The following ANKRD20A1 variants were observed in gnomAD, a reference collection of about 807,000 sequenced individuals.
ANKRD20A1 encodes the protein ankyrin repeat domain 20 family member A1.
In ANKRD20A1, 2 loss-of-function variants were observed where a neutral mutation model predicts 50.9. The observed-to-expected ratio is 0.04, with a 90% CI of 0.02 to 0.12. The LOEUF is 0.12. Among genes scored for constraint, ANKRD20A1 ranks in the 10% least tolerant of loss-of-function variants. ANKRD20A1 has a pLI of 1.00. For missense variants in ANKRD20A1, 31 were observed against 548.1 expected, an observed-to-expected ratio of 0.06 and a Z score of 9.42; for synonymous variants, 10 against 186.2, an observed-to-expected ratio of 0.05 and a Z score of 7.70.
At chr9:67,880,852 G>A (rs1587601220) in intron 8 of ANKRD20A1, among the ~76,000 whole-genome samples, 1 of 72,524 alleles carries the variant, frequency 1.4e-5, no homozygotes, top group South Asian at 6.6e-4. Flanking sequence ...TTTGCTTAAG[G>A]TTTATTTGGA....
intron 9 of ANKRD20A1, among the ~76,000 whole-genome samples, chr9:67,885,546 G>A (rs1455806688): frequency 1.3e-5 from 2 of 152,310 alleles, no homozygotes; most frequent in Non-Finnish European, 1.5e-5. Context: ...AGTGTTGGGT[G>A]ATTTATGGAG....
At chr9:67,872,156 A>G (rs1332170089) in intron 6 of ANKRD20A1, among the ~76,000 whole-genome samples, 1 of 72,010 alleles carries the variant, frequency 1.4e-5, no homozygotes, top group African/African-American at 3.3e-5. Context: ...CCTTTCTGGT[A>G]CCATAAGTAA....
intron 9 of ANKRD20A1, among the ~76,000 whole-genome samples, chr9:67,885,617 T>C (rs1295092064): frequency 6.6e-6 from 1 of 152,308 alleles, no homozygotes; most frequent in African/African-American, 2.4e-5. Context: ...TTATGGCTTA[T>C]AATGTAGTAT....
chr9:67,865,889 C>CTA (rs1436450839), intron 3 of ANKRD20A1, among the ~76,000 whole-genome samples: 1 of 149,188 alleles, frequency 6.7e-6, no homozygotes, highest in Non-Finnish European at 1.5e-5. Context: ...AATATATAGT[C>CTA]TATAGAGTAT....
chr9:67,881,060 A>C (rs1457955314), intron 8 of ANKRD20A1, among the ~76,000 whole-genome samples: 1 of 146,808 alleles, frequency 6.8e-6, no homozygotes, highest in African/African-American at 2.5e-5. Context: ...TATTGTTTTT[A>C]CGAGAGATTG....
chr9:67,882,622 T>C (rs1280430130), intron 8 of ANKRD20A1, among the ~76,000 whole-genome samples: 2 of 146,538 alleles, frequency 1.4e-5, no homozygotes, highest in African/African-American at 2.5e-5. Context: ...AAATATACTT[T>C]TTCAAGCCAT....
At chr9:67,882,143 G>A (rs1827809327) in intron 8 of ANKRD20A1, among the ~76,000 whole-genome samples, 1 of 146,486 alleles carries the variant, frequency 6.8e-6, no homozygotes, top group South Asian at 2.2e-4. Context: ...CCATAGACCT[G>A]TGTCACCATG....
At chr9:67,885,359 C>T (rs1827862837) in intron 9 of ANKRD20A1, among the ~76,000 whole-genome samples, 1 of 152,292 alleles carries the variant, frequency 6.6e-6, no homozygotes, top group South Asian at 2.1e-4. Flanking sequence ...TGCTGTCATC[C>T]TCACTACTGG....
intron 3 of ANKRD20A1, among the ~76,000 whole-genome samples, chr9:67,865,638 C>A (rs549874758): frequency 0.031 from 4,095 of 130,244 alleles, 1 homozygote; most frequent in Admixed American, 0.042. Flanking sequence ...GGACTTCAGG[C>A]ATATCCTAAA....
intron 8 of ANKRD20A1, among the ~76,000 whole-genome samples, chr9:67,883,002 T>A (rs1309844545): frequency 6.6e-6 from 1 of 151,136 alleles, no homozygotes; most frequent in African/African-American, 2.4e-5. Flanking sequence ...TTCCATGGTG[T>A]ATATGTGCCA....
intron 8 of ANKRD20A1, 134 bp from the exon 9 acceptor site, chr9:67,884,352 C>T: frequency 2.3e-6 from 2 of 872,344 alleles, no homozygotes; most frequent in Non-Finnish European, 3.4e-6. Flanking sequence ...AACAGTGAGC[C>T]ATAATCAGGC....
At chr9:67,889,214 G>GC (rs1827913365) in intron 11 of ANKRD20A1, among the ~76,000 whole-genome samples, 1 of 89,530 alleles carries the variant, frequency 1.1e-5, no homozygotes, top group Non-Finnish European at 2.4e-5. Flanking sequence ...TGATCTGCCT[G>GC]CCTCAGCTTG....
chr9:67,883,142 G>T (rs1224397572), intron 8 of ANKRD20A1, among the ~76,000 whole-genome samples: 1 of 151,632 alleles, frequency 6.6e-6, no homozygotes, highest in Non-Finnish European at 1.5e-5. Context: ...AATCCTTTGG[G>T]TATATACCCA....
chr9:67,864,676 C>A lies in ANKRD20A1; in HGVS notation c.492+1285C>A, dbSNP rs866802698. Among the ~76,000 whole-genome samples the A allele has an allele frequency of 2.7e-3, 94 of 34,702 alleles. 29 individuals are homozygous for A. The highest frequency in any genetic ancestry group is 0.033 in the Middle Eastern group (2 of 60). The allele number at this position is 34,702 out of a possible 152,430, so 22.8% of individuals were successfully genotyped here. A position where few individuals can be genotyped will look rare whatever the true frequency, so the allele number is the denominator to read the frequency against. On this transcript the variant is annotated intron_variant, in intron 3 of 14. Coordinates refer to ENST00000562196, the MANE Select transcript of ANKRD20A1 (RefSeq NM_032250.5). ...TAATAGCCAAAAAAAAAAAAAAAAA[C>A]CCCAAAAAAACAAAAAACCTTCAAG...
rs1369966010 is a variant in ANKRD20A1 at position 67,893,119 on chromosome 9, CTG to C, written c.1082-315_1082-314del. On this transcript the variant is annotated intron_variant, in intron 11 of 14. Transcript: ENST00000562196. ...TAAAGTGTTACATTGTATATTTTGA[CTG>C]TATTTCAAAATTTTATTTTGTTTCT... Among the ~76,000 whole-genome samples the C allele has an allele frequency of 1.1e-4, 9 of 83,310 alleles. 2 individuals are homozygous for C. Among genetic ancestry groups the C allele is most frequent in the African/African-American group, 3.5e-4 (9 of 25,838 alleles). 54.7% of individuals were successfully genotyped at this position (83,310 alleles called of 152,430 possible).
chr9:67,886,666 G>A (rs1299693909), intron 9 of ANKRD20A1, among the ~76,000 whole-genome samples: 2 of 79,890 alleles, frequency 2.5e-5, no homozygotes, highest in Non-Finnish European at 5.5e-5. Context: ...TGTAGGTGCT[G>A]CAGTAGCCCA....
At chr9:67,885,130 G>A (rs2131558401) in intron 9 of ANKRD20A1, among the ~76,000 whole-genome samples, 1 of 152,252 alleles carries the variant, frequency 6.6e-6, no homozygotes, top group East Asian at 1.9e-4. Context: ...AGTCAGGAGA[G>A]AGGGAAGAGG....
chr9:67,882,509 G>A (rs1428401595), intron 8 of ANKRD20A1, among the ~76,000 whole-genome samples: 19 of 149,498 alleles, frequency 1.3e-4, no homozygotes, highest in African/African-American at 4.4e-4. Context: ...GTAGCAAATA[G>A]GGTTACAATA....
At chr9:67,879,549 T>C (rs1827774403) in intron 7 of ANKRD20A1, among the ~76,000 whole-genome samples, 1 of 54,134 alleles carries the variant, frequency 1.8e-5, no homozygotes, top group African/African-American at 3.7e-5. Flanking sequence ...TTCAGGAATC[T>C]GTGCTTTCAT....
Sources: allele counts gnomAD v4.1 joint callset (sites outside exome capture counted in the v4.1 genomes callset), GRCh38; gene constraint gnomAD v4.1.1; transcripts MANE v1.5; gene names NCBI Gene and HGNC (gene_info 2026-07-23, HGNC 2026-07-21).